NFIB: variants seen among roughly 807,000 people sequenced by gnomAD.
NFIB encodes the protein nuclear factor 1 B-type.
Under a neutral mutation model 61.5 loss-of-function variants are expected in NFIB, and 11 were observed. That is an observed-to-expected ratio of 0.18 (90% CI 0.11 to 0.30). The LOEUF (loss-of-function observed/expected upper bound fraction) is 0.30. NFIB is among the 10% of genes least tolerant of loss of function. NFIB has a pLI of 1.00. For missense variants in NFIB, 471 were observed against 608.9 expected, an observed-to-expected ratio of 0.77 and a Z score of 2.38; for synonymous variants, 260 against 216.5, an observed-to-expected ratio of 1.20 and a Z score of -1.76.
rs575153637 is a variant in NFIB, at chr9:14,296,616, T to G, written c.562+10373A>C. ...AGAGAGCTCTCACTCTTTTGCTGCATGTACGGAAACAAGGAGAAGTTGGCA... is the reference window on the plus strand; with the variant it reads ...AGAGAGCTCTCACTCTTTTGCTGCAGGTACGGAAACAAGGAGAAGTTGGCA... On this transcript the variant is annotated intron_variant, in intron 2 of 10. Transcript: ENST00000380953. Among the ~76,000 whole-genome samples, 13 of 152,322 alleles carry G rather than the reference T, an allele frequency of 8.5e-5. No homozygotes were observed. The South Asian group carries it at 2.7e-3, about 32-fold the overall frequency.
chr9:14,103,821 CATAG>C (rs1431971150), intron 10 of NFIB, among the ~76,000 whole-genome samples: 1 of 151,910 alleles, frequency 6.6e-6, no homozygotes, highest in Non-Finnish European at 1.5e-5. Flanking sequence ...CCTGCATATA[CATAG>C]ATAGATCAAC....
intron 1 of NFIB, among the ~76,000 whole-genome samples, chr9:14,377,785 T>C (rs2061437171): frequency 6.6e-6 from 1 of 152,220 alleles, no homozygotes; most frequent in Non-Finnish European, 1.5e-5. Context: ...TAGATATCCT[T>C]TGAAACTTCT....
chr9:14,395,596 T>G (rs1807429), intron 1 of NFIB, among the ~76,000 whole-genome samples: 37,312 of 151,842 alleles, frequency 0.25, 5,133 homozygotes, highest in East Asian at 0.44. Context: ...CCGATCTGTA[T>G]GCAGCATGAC....
chr9:14,356,418 T>TA (rs1259143079), intron 1 of NFIB, among the ~76,000 whole-genome samples: 3 of 151,274 alleles, frequency 2.0e-5, no homozygotes, highest in Non-Finnish European at 4.4e-5. Flanking sequence ...GAGGAACTAG[T>TA]GTTTGGGGTT....
chr9:14,419,163 G>A, the NFIB span, among the ~76,000 whole-genome samples: 1 of 151,880 alleles, frequency 6.6e-6, no homozygotes, highest in African/African-American at 2.4e-5. Flanking sequence ...GGAGCTCTCG[G>A]TGCTTTGAAA....
chr9:14,467,327 G>C, the NFIB span, among the ~76,000 whole-genome samples: 1 of 152,166 alleles, frequency 6.6e-6, no homozygotes, highest in African/African-American at 2.4e-5. Context: ...CCAGCACACA[G>C]GGTCTGGCCA....
At chr9:14,403,718 C>G (rs1202653658), upstream of NFIB, among the ~76,000 whole-genome samples, 1 of 152,174 alleles carries the variant, frequency 6.6e-6, no homozygotes, top group Non-Finnish European at 1.5e-5. Context: ...CATCTTTACC[C>G]TGTATTAGTC....
chr9:14,241,865 C>A (rs2054394987), intron 2 of NFIB, among the ~76,000 whole-genome samples: 1 of 152,128 alleles, frequency 6.6e-6, no homozygotes, highest in African/African-American at 2.4e-5. Flanking sequence ...AATTTTTTAA[C>A]CTTTTTCCTG....
chr9:14,087,748 C>T lies in NFIB; in HGVS notation c.*561G>A, dbSNP rs2033084905. 4.6e-6 allele frequency: 1 copy of T among 219,390 alleles called. No homozygotes were observed. Among genetic ancestry groups the T allele is most frequent in the Non-Finnish European group, 9.2e-6 (1 of 109,066 alleles). The allele number at this position is 219,390 out of a possible 1,614,324, so 13.6% of individuals were successfully genotyped here. On this transcript the variant is annotated 3_prime_UTR_variant, in exon 11 of 11. Coordinates refer to ENST00000380953, the MANE Select transcript of NFIB (RefSeq NM_001190737.2). The stretch of plus-strand genomic sequence containing the variant: ...ATCAGAGTGCTTATAAAATGGCTGG[C>T]TCATGGCTCTGTCACCCAGCACCTC...
intron 10 of NFIB, among the ~76,000 whole-genome samples, chr9:14,104,132 C>T (rs1375283097): frequency 1.3e-5 from 2 of 151,796 alleles, no homozygotes; most frequent in Admixed American, 6.6e-5. Context: ...AGGCTGGTCT[C>T]GAACTCCTGA....
the NFIB span, among the ~76,000 whole-genome samples, chr9:14,437,238 G>C: frequency 1.3e-5 from 2 of 152,172 alleles, no homozygotes; most frequent in Non-Finnish European, 2.9e-5. Flanking sequence ...AATGTAAAAA[G>C]TGTGCAGGAA....
At chr9:14,100,091 CA>C (rs368365278) in intron 10 of NFIB, among the ~76,000 whole-genome samples, 1 of 151,542 alleles carries the variant, frequency 6.6e-6, no homozygotes, top group African/African-American at 2.4e-5. Context: ...AACAAAAAAA[CA>C]AAAAAAACCA....
intron 1 of NFIB, among the ~76,000 whole-genome samples, chr9:14,324,580 G>T (rs1008949755): frequency 2.6e-5 from 4 of 152,084 alleles, no homozygotes; most frequent in African/African-American, 9.7e-5. Flanking sequence ...AATATTTTGA[G>T]ACACAAAATA....
chr9:14,502,108 T>C, the NFIB span, among the ~76,000 whole-genome samples: 8 of 152,178 alleles, frequency 5.3e-5, no homozygotes, highest in African/African-American at 1.9e-4. Flanking sequence ...AATCCAGCAC[T>C]TAATTGTGAG....
chr9:14,401,629 G>A (rs1178096438), upstream of NFIB, among the ~76,000 whole-genome samples: 1 of 152,082 alleles, frequency 6.6e-6, no homozygotes, highest in Non-Finnish European at 1.5e-5. Context: ...TCTGTACCGT[G>A]GATCTAAACA....
At chr9:14,478,193 T>C in the NFIB span, among the ~76,000 whole-genome samples, 1 of 152,158 alleles carries the variant, frequency 6.6e-6, no homozygotes, top group Non-Finnish European at 1.5e-5. Flanking sequence ...ATTTGAGGAT[T>C]ATTGGCCAGA....
At chr9:14,243,377 T>C (rs2054546574) in intron 2 of NFIB, among the ~76,000 whole-genome samples, 1 of 152,198 alleles carries the variant, frequency 6.6e-6, no homozygotes, top group Non-Finnish European at 1.5e-5. Flanking sequence ...AGCTGGCATG[T>C]GATTCCAAAA....
the NFIB span, among the ~76,000 whole-genome samples, chr9:14,506,186 T>C: frequency 6.6e-6 from 1 of 152,204 alleles, no homozygotes; most frequent in East Asian, 1.9e-4. Context: ...ACACCCAACT[T>C]CCCATGTTTT....
At chr9:14,255,554 G>C (rs2056138467) in intron 2 of NFIB, among the ~76,000 whole-genome samples, 1 of 152,138 alleles carries the variant, frequency 6.6e-6, no homozygotes, top group African/African-American at 2.4e-5. Flanking sequence ...ATATGGGCTG[G>C]TAAGAATTAG....
Sources: gnomAD v4.1 joint callset for allele counts (sites outside exome capture counted in the v4.1 genomes callset) on GRCh38, gnomAD v4.1.1 for gene constraint, MANE v1.5 for transcripts, NCBI Gene and HGNC (gene_info 2026-07-23, HGNC 2026-07-21) for gene names.